THADA: variants seen among roughly 807,000 people sequenced by gnomAD.
THADA encodes the protein tRNA (32-2'-O)-methyltransferase regulator THADA.
Under a neutral mutation model 219.8 loss-of-function variants are expected in THADA, and 213 were observed. That is an observed-to-expected ratio of 0.97 (90% CI 0.87 to 1.09). The LOEUF is 1.09. Ranked by LOEUF, THADA falls within the 50% of genes least tolerant of loss-of-function variation. THADA has a pLI of 0.00. For missense variants in THADA, 2,956 were observed against 2,311.3 expected, an observed-to-expected ratio of 1.28 and a Z score of -5.72; for synonymous variants, 1,018 against 828.9, an observed-to-expected ratio of 1.23 and a Z score of -3.92.
At chr2:43,450,106 G>T (rs1682121368) in intron 26 of THADA, among the ~76,000 whole-genome samples, 3 of 152,172 alleles carry the variant, frequency 2.0e-5, no homozygotes, top group Admixed American at 2.0e-4. Flanking sequence ...TCAGTAAAGG[G>T]AAATACATGG....
At chr2:43,570,353 A>G (rs1245096701) in intron 14 of THADA, 35 bp downstream of exon 14, 32 of 1,561,114 alleles carry the variant, frequency 2.0e-5, no homozygotes, top group Non-Finnish European at 2.5e-5. Flanking sequence ...TTTAATTTAA[A>G]AAAAAACTCT....
At chr2:43,475,357 T>C (rs1294373069) in intron 26 of THADA, among the ~76,000 whole-genome samples, 1 of 148,704 alleles carries the variant, frequency 6.7e-6, no homozygotes, top group Admixed American at 6.8e-5. Context: ...AGGCAGAGGT[T>C]GCAGTGAGCC....
At chr2:43,491,262 T>C (rs996346310) in intron 25 of THADA, among the ~76,000 whole-genome samples, 9 of 152,226 alleles carry the variant, frequency 5.9e-5, no homozygotes, top group South Asian at 4.1e-4. Context: ...ATATGAATCA[T>C]TGATAGCAAT....
rs1558744460 is a variant in THADA, at chr2:43,428,238, C to T, written c.3927-7G>A. The T allele has an allele frequency of 1.3e-6, 2 of 1,587,348 alleles. No homozygotes were observed. Among genetic ancestry groups the T allele is most frequent in the Non-Finnish European group, 1.7e-6 (2 of 1,164,724 alleles). ...ATTTGGTTCTCCCATATCACTGAAA[C>T]AACAATTATTACACATGAAAGATTT... On this transcript the variant is annotated splice_polypyrimidine_tract_variant and splice_region_variant and intron_variant, in intron 27 of 37. Coordinates refer to ENST00000405975, the MANE Select transcript of THADA (RefSeq NM_022065.5).
chr2:43,453,102 G>A (rs1161285865), intron 26 of THADA, among the ~76,000 whole-genome samples: 1 of 152,158 alleles, frequency 6.6e-6, no homozygotes, highest in Non-Finnish European at 1.5e-5. Flanking sequence ...AAAAACCCAA[G>A]TAGTCACCAG....
At chr2:43,481,790 G>A (rs1258908498) in intron 26 of THADA, among the ~76,000 whole-genome samples, 1 of 152,184 alleles carries the variant, frequency 6.6e-6, no homozygotes, top group Non-Finnish European at 1.5e-5. Context: ...ATTTAAGGTG[G>A]AGAGTGTGCA....
chr2:43,261,590 A>G (rs991793722), intron 36 of THADA, among the ~76,000 whole-genome samples: 3 of 148,394 alleles, frequency 2.0e-5, no homozygotes. Flanking sequence ...CCTCCCAAGT[A>G]GGTGGGATTA....
Position 43,293,095 on chromosome 2 carries a change from G to T in THADA, c.4557C>A (p.Leu1519=), listed in dbSNP as rs762720760. ...VPGLPQYLQS[L]TRLAIAAVWA... ...ACACTGCAGCAATGGCTAGTCTGGT[G>T]AGGCTCTGGAGGTACTGGGGCAGGC... The change falls in exon 32 of 38, where the codon CTC becomes CTA. Residue 1519 remains leucine, a synonymous_variant. Transcript: ENST00000405975. 5.6e-6 allele frequency: 9 copies of T among 1,614,000 alleles called. No individual in the cohort carries two copies. Among genetic ancestry groups the T allele is most frequent in the Non-Finnish European group, 7.6e-6 (9 of 1,179,892 alleles).
rs1678057833 is a variant in THADA at position 43,316,180 on chromosome 2, C to T, written c.4438+4266G>A. 2.6e-5 allele frequency among the ~76,000 whole-genome samples: 4 copies of T among 152,332 alleles called. No homozygotes were observed. The South Asian group carries it at 6.2e-4, about 24-fold the overall frequency. On this transcript the variant is annotated intron_variant, in intron 31 of 37. Transcript: ENST00000405975. ...ACCCACTGTCAAAACTCTGTTCAAC[C>T]ACTTCCTCTTCAAGGAAGTCTTTCC...
intron 28 of THADA, among the ~76,000 whole-genome samples, chr2:43,423,747 G>C (rs1403058948): frequency 6.6e-6 from 1 of 152,124 alleles, no homozygotes; most frequent in African/African-American, 2.4e-5. Context: ...ATGGTCCTAG[G>C]TTTGAGGCAT....
chr2:43,485,380 C>A, intron 25 of THADA, 55 bp from the exon 26 acceptor site: 2 of 1,259,386 alleles, frequency 1.6e-6, no homozygotes, highest in Non-Finnish European at 2.3e-6. Flanking sequence ...ATGAAACCAA[C>A]GTTTACAATG....
intron 28 of THADA, among the ~76,000 whole-genome samples, chr2:43,420,676 A>C (rs1405670669): frequency 6.6e-6 from 1 of 152,222 alleles, no homozygotes; most frequent in Non-Finnish European, 1.5e-5. Context: ...TCTGCTCAAA[A>C]ACATATTTAG....
chr2:43,455,704 T>C (rs1041736167), intron 26 of THADA, among the ~76,000 whole-genome samples: 2 of 152,212 alleles, frequency 1.3e-5, no homozygotes, highest in Non-Finnish European at 2.9e-5. Flanking sequence ...ATGCAAAGGA[T>C]AGGTTAGGTT....
chr2:43,257,108 G>T (rs796396589), intron 36 of THADA, among the ~76,000 whole-genome samples: 9 of 152,278 alleles, frequency 5.9e-5, no homozygotes, highest in African/African-American at 2.2e-4. Context: ...TGGGTGGAGA[G>T]GGGGGATGGA....
intron 21 of THADA, among the ~76,000 whole-genome samples, chr2:43,534,404 G>A (rs1360530553): frequency 3.3e-5 from 5 of 152,018 alleles, no homozygotes; most frequent in Non-Finnish European, 7.4e-5. Flanking sequence ...ATCCTACTGT[G>A]GTAAAGAACA....
chr2:43,280,432 G>C (rs1408128857), intron 35 of THADA, among the ~76,000 whole-genome samples: 1 of 152,120 alleles, frequency 6.6e-6, no homozygotes, highest in African/African-American at 2.4e-5. Context: ...AGGAGATTGA[G>C]ACCATCCTGA....
rs115714227 is a variant in THADA at position 43,424,481 on chromosome 2, C to T, written c.4058+3619G>A. The stretch of plus-strand genomic sequence containing the variant: ...GCTGACCCACTGTGCATACACCCAT[C>T]CATCTTTTTAGCTATTACCCCAAGT... On this transcript the variant is annotated intron_variant, in intron 28 of 37. Coordinates refer to ENST00000405975, the MANE Select transcript of THADA (RefSeq NM_022065.5). 3.4e-3 allele frequency among the ~76,000 whole-genome samples: 520 copies of T among 152,270 alleles called. 8 individuals are homozygous for T. Among genetic ancestry groups the T allele is most frequent in the African/African-American group, 0.012 (487 of 41,546 alleles).
At chr2:43,571,627 C>T in intron 13 of THADA, 80 bp downstream of exon 13, 2 of 1,470,952 alleles carry the variant, frequency 1.4e-6, no homozygotes, top group Non-Finnish European at 1.8e-6. Flanking sequence ...CCACACGCTC[C>T]CAAAATCTGG....
Position 43,428,245 on chromosome 2 carries a change from T to G in THADA, c.3927-14A>C. The G allele has an allele frequency of 6.3e-7, 1 of 1,580,500 alleles. No homozygotes were observed. Among genetic ancestry groups the G allele is most frequent in the Non-Finnish European group, 8.6e-7 (1 of 1,160,752 alleles). On this transcript the variant is annotated splice_polypyrimidine_tract_variant and intron_variant, in intron 27 of 37. Transcript: ENST00000405975. ...TCTCCCATATCACTGAAACAACAATTATTACACATGAAAGATTTCACATTT... is the reference window on the plus strand; with the variant it reads ...TCTCCCATATCACTGAAACAACAATGATTACACATGAAAGATTTCACATTT...
Sources: allele counts gnomAD v4.1 joint callset (sites outside exome capture counted in the v4.1 genomes callset), GRCh38; gene constraint gnomAD v4.1.1; transcripts MANE v1.5; gene names NCBI Gene and HGNC (gene_info 2026-07-23, HGNC 2026-07-21).